Variants in ANKFN1 observed in about 807,000 individuals in gnomAD.
The protein encoded by ANKFN1 is ankyrin repeat and fibronectin type-III domain-containing protein 1.
ANKFN1 carries 74 observed loss-of-function variants against 108.7 expected under a neutral mutation model. The observed-to-expected ratio is 0.68, with a 90% CI of 0.56 to 0.83. The LOEUF is 0.83. ANKFN1 is among the 40% of genes least tolerant of loss of function. The pLI is 0.00. For synonymous variants in ANKFN1, 547 were observed against 516.2 expected (o/e 1.06, Z -0.81); for missense variants, 1,505 against 1,382.3 (o/e 1.09, Z -1.41).
chr17:56,171,110 C>A (rs1567816430), intron 1 of ANKFN1, among the ~76,000 whole-genome samples: 2 of 151,886 alleles, frequency 1.3e-5, no homozygotes, highest in South Asian at 2.1e-4. Context: ...GAAGCAGGGA[C>A]CGGCACTGGC....
At position 56,510,638 on chromosome 17, in the gene ANKFN1, C is replaced by T; in HGVS notation, c.2810C>T (p.Pro937Leu). Reference sequence around the variant, plus strand: ...CTTAGCGGCCTAAGCGGCAGCGCCCCCGACGTCCTGCAAGTGCACGACGTG... The same window carrying T: ...CTTAGCGGCCTAAGCGGCAGCGCCCTCGACGTCCTGCAAGTGCACGACGTG... Reference protein sequence around the residue: ...QTLSGLSGSAPDVLQVHDVKT... With the variant: ...QTLSGLSGSALDVLQVHDVKT... Residue 937 changes from proline to leucine, a missense_variant, in exon 21 of 21, where the codon CCC becomes CTC. By Grantham distance (98) the Pro-to-Leu change is moderately conservative. Coordinates refer to ENST00000682825, the MANE Select transcript of ANKFN1 (RefSeq NM_001370326.1). 6.5e-7 allele frequency: 1 copy of T among 1,536,180 alleles called. No individual in the cohort carries two copies. The highest frequency in any genetic ancestry group is 1.2e-5 in the South Asian group (1 of 84,066).
At chr17:56,229,514 C>T (rs926475851) in intron 3 of ANKFN1, among the ~76,000 whole-genome samples, 11 of 151,724 alleles carry the variant, frequency 7.3e-5, no homozygotes, top group Admixed American at 7.2e-4. Context: ...CCGAAAGATA[C>T]TTGGTATATA....
At chr17:56,486,212 C>T (rs1287649505) in intron 18 of ANKFN1, among the ~76,000 whole-genome samples, 1 of 152,178 alleles carries the variant, frequency 6.6e-6, no homozygotes, top group Non-Finnish European at 1.5e-5. Context: ...CTTCTTGGTC[C>T]TCCCTTGTTG....
chr17:56,047,701 C>T (rs373510288), intron 4 of ANKFN1, among the ~76,000 whole-genome samples: 311 of 152,208 alleles, frequency 2.0e-3, no homozygotes, highest in African/African-American at 7.3e-3. Flanking sequence ...TGGGGGTAAA[C>T]GGAGAAAGCT....
At chr17:56,450,931 G>T (rs921013293) in intron 11 of ANKFN1, among the ~76,000 whole-genome samples, 1 of 152,070 alleles carries the variant, frequency 6.6e-6, no homozygotes, top group Non-Finnish European at 1.5e-5. Flanking sequence ...TCCAACTTCT[G>T]TCATGTATAT....
At chr17:56,315,431 C>G (rs2045173930) in intron 3 of ANKFN1, among the ~76,000 whole-genome samples, 1 of 152,190 alleles carries the variant, frequency 6.6e-6, no homozygotes, top group African/African-American at 2.4e-5. Context: ...CACTGTGACT[C>G]CCCTTTCAAA....
At chr17:56,261,688 G>C (rs1167048732) in intron 3 of ANKFN1, among the ~76,000 whole-genome samples, 2 of 152,144 alleles carry the variant, frequency 1.3e-5, no homozygotes, top group African/African-American at 4.8e-5. Context: ...ATAAAGGCTG[G>C]AAGACTCAGC....
At chr17:56,375,095 A>C (rs2046910621) in intron 8 of ANKFN1, among the ~76,000 whole-genome samples, 1 of 152,202 alleles carries the variant, frequency 6.6e-6, no homozygotes, top group Admixed American at 6.5e-5. Flanking sequence ...GGGGTTAAAA[A>C]AAACAATAAC....
At chr17:56,196,702 C>T (rs1913547397) in intron 1 of ANKFN1, among the ~76,000 whole-genome samples, 1 of 152,166 alleles carries the variant, frequency 6.6e-6, no homozygotes, top group African/African-American at 2.4e-5. Context: ...TAATGCATGA[C>T]TCCACTCCAG....
chr17:56,504,281 T>A (rs1299340081), intron 20 of ANKFN1, among the ~76,000 whole-genome samples: 2 of 152,198 alleles, frequency 1.3e-5, no homozygotes, highest in East Asian at 3.9e-4. Flanking sequence ...CTTCCTAGGT[T>A]ACCATGATTA....
intron 19 of ANKFN1, among the ~76,000 whole-genome samples, chr17:56,497,848 G>A (rs983228354): frequency 1.3e-5 from 2 of 152,040 alleles, no homozygotes; most frequent in Admixed American, 1.3e-4. Flanking sequence ...CCAAGTCATC[G>A]AGTGAAATTA....
intron 4 of ANKFN1, among the ~76,000 whole-genome samples, chr17:56,104,508 T>C (rs1905705418): frequency 6.6e-6 from 1 of 152,208 alleles, no homozygotes; most frequent in Admixed American, 6.5e-5. Context: ...CTTACTGCTG[T>C]GCCACCCTTT....
intron 6 of ANKFN1, among the ~76,000 whole-genome samples, chr17:56,356,181 C>T (rs1170040977): frequency 6.6e-6 from 1 of 152,112 alleles, no homozygotes; most frequent in Non-Finnish European, 1.5e-5. Flanking sequence ...GCAGCACTCA[C>T]CCTGTGCCAG....
At chr17:56,179,837 A>G (rs1911521997) in intron 1 of ANKFN1, among the ~76,000 whole-genome samples, 1 of 152,208 alleles carries the variant, frequency 6.6e-6, no homozygotes, top group South Asian at 2.1e-4. Context: ...CTAATAAAGC[A>G]TTCCTTCCTT....
At chr17:56,496,728 T>C (rs1274288183) in intron 19 of ANKFN1, among the ~76,000 whole-genome samples, 1 of 152,122 alleles carries the variant, frequency 6.6e-6, no homozygotes, top group Non-Finnish European at 1.5e-5. Flanking sequence ...CTAAACTTAA[T>C]CATATCTTTT....
intron 3 of ANKFN1, among the ~76,000 whole-genome samples, chr17:56,272,134 T>C (rs2043809628): frequency 6.6e-6 from 1 of 152,198 alleles, no homozygotes; most frequent in African/African-American, 2.4e-5. Flanking sequence ...TATTTTTCTA[T>C]TTTTTATTAC....
intron 8 of ANKFN1, among the ~76,000 whole-genome samples, chr17:56,384,239 C>T (rs1178335462): frequency 1.3e-5 from 2 of 152,224 alleles, no homozygotes; most frequent in African/African-American, 4.8e-5. Flanking sequence ...ACGTGATTAT[C>T]TCAATAGATG....
Position 56,515,715 on chromosome 17 carries a change from G to C in ANKFN1, c.*4446G>C, listed in dbSNP as rs930171810. Reference sequence around the variant, plus strand: ...AAAAGTATTTTTAGAAAAATCCATTGACTGTTTATGAAGCACTGATTTTGC... The same window carrying C: ...AAAAGTATTTTTAGAAAAATCCATTCACTGTTTATGAAGCACTGATTTTGC... On this transcript the variant is annotated 3_prime_UTR_variant, in exon 21 of 21. Transcript: ENST00000682825. Among the ~76,000 whole-genome samples, 5 of 152,178 alleles carry C rather than the reference G, an allele frequency of 3.3e-5. No homozygotes were observed. The highest frequency in any genetic ancestry group is 1.2e-4 in the African/African-American group (5 of 41,450).
intron 8 of ANKFN1, among the ~76,000 whole-genome samples, chr17:56,421,601 T>G (rs2048406660): frequency 6.6e-6 from 1 of 152,194 alleles, no homozygotes. Context: ...AATAATGCAT[T>G]AGTACGCATA....
Sources: gnomAD v4.1 joint callset for allele counts (sites outside exome capture counted in the v4.1 genomes callset) on GRCh38, gnomAD v4.1.1 for gene constraint, MANE v1.5 for transcripts, NCBI Gene and HGNC (gene_info 2026-07-23, HGNC 2026-07-21) for gene names.